The following N4BP1 variants were observed in gnomAD, a reference collection of about 807,000 sequenced individuals.
N4BP1 encodes NEDD4-binding protein 1.
Under a neutral mutation model 70.9 loss-of-function variants are expected in N4BP1, and 21 were observed. The ratio of observed to expected loss-of-function variants is 0.30; its 90% CI spans 0.21 to 0.43. The LOEUF is 0.43. N4BP1 is among the 20% of genes least tolerant of loss of function. N4BP1 has a pLI of 1.00. For missense variants in N4BP1, 936 were observed against 1,069.4 expected, an observed-to-expected ratio of 0.88 and a Z score of 1.74; for synonymous variants, 387 against 394.6, an observed-to-expected ratio of 0.98 and a Z score of 0.23.
At chr16:48,609,753 CG>C (rs2151106153) in intron 1 of N4BP1, 21 bp downstream of exon 1, 5 of 1,326,712 alleles carry the variant, frequency 3.8e-6, no homozygotes, top group South Asian at 3.8e-5. Context: ...CGCGGGCGCG[CG>C]GGGGCGGCGG....
chr16:48,551,541 A>G, intron 3 of N4BP1, 59 bp from the exon 4 acceptor site: 1 of 1,188,426 alleles, frequency 8.4e-7, no homozygotes, highest in South Asian at 1.4e-5. Context: ...CAAATGTATC[A>G]AGAAATGAAA....
intron 1 of N4BP1, among the ~76,000 whole-genome samples, chr16:48,582,548 AT>A (rs1462423902): frequency 1.3e-5 from 2 of 152,228 alleles, no homozygotes; most frequent in African/African-American, 2.4e-5. Context: ...CTTCCTTTAA[AT>A]GCATAGATGA....
At chr16:48,565,946 T>G (rs1344534313) in intron 1 of N4BP1, among the ~76,000 whole-genome samples, 1 of 152,224 alleles carries the variant, frequency 6.6e-6, no homozygotes, top group African/African-American at 2.4e-5. Context: ...ATCTTTTTGA[T>G]GTCTGCAAAG....
intron 1 of N4BP1, among the ~76,000 whole-genome samples, chr16:48,607,831 G>C (rs1302256586): frequency 6.6e-6 from 1 of 151,932 alleles, no homozygotes; most frequent in South Asian, 2.1e-4. Context: ...AAGCAAACTT[G>C]GTTCTATATC....
chr16:48,571,934 C>T (rs1597101082), intron 1 of N4BP1, among the ~76,000 whole-genome samples: 1 of 152,172 alleles, frequency 6.6e-6, no homozygotes, highest in Admixed American at 6.5e-5. Flanking sequence ...GGTGAGGTCA[C>T]GAGCCTCTAA....
chr16:48,608,184 C>T (rs761406090), intron 1 of N4BP1, among the ~76,000 whole-genome samples: 12 of 152,150 alleles, frequency 7.9e-5, no homozygotes, highest in Non-Finnish European at 1.6e-4. Flanking sequence ...TTTTCCGATT[C>T]TCAAGAACAC....
intron 1 of N4BP1, among the ~76,000 whole-genome samples, chr16:48,575,724 C>A (rs1597102682): frequency 6.6e-6 from 1 of 152,206 alleles, no homozygotes; most frequent in Admixed American, 6.5e-5. Context: ...GAAGGGGCAG[C>A]ACTGAGTGCT....
chr16:48,603,473 T>C (rs910839629), intron 1 of N4BP1, among the ~76,000 whole-genome samples: 5 of 152,096 alleles, frequency 3.3e-5, no homozygotes, highest in Admixed American at 1.3e-4. Flanking sequence ...GCCAAACAAG[T>C]AGCTGTGCCA....
intron 1 of N4BP1, among the ~76,000 whole-genome samples, chr16:48,601,019 TA>T (rs1964489601): frequency 6.6e-6 from 1 of 152,218 alleles, no homozygotes; most frequent in Non-Finnish European, 1.5e-5. Flanking sequence ...TTCCCTTTAT[TA>T]ATGTTATGGA....
intron 1 of N4BP1, among the ~76,000 whole-genome samples, chr16:48,609,296 C>T (rs1026509916): frequency 6.6e-6 from 1 of 152,046 alleles, no homozygotes; most frequent in African/African-American, 2.4e-5. Context: ...TAGTTTTTTT[C>T]CGATTCTCAA....
Position 48,562,297 on chromosome 16 carries a change from C to T in N4BP1, c.346G>A (p.Gly116Ser). The T allele has an allele frequency of 6.2e-7, 1 of 1,613,888 alleles. No individual in the cohort carries two copies. The highest frequency in any genetic ancestry group is 8.5e-7 in the Non-Finnish European group (1 of 1,179,862). ...TCADLCILDI[G>S]LLGIRGSAEA... is the part of the protein sequence containing the mutation. ...GCACTTCCTCTGATGCCAAGAAGGC[C>T]AATGTCCAGAATGCAGAGGTCAGCA... Residue 116 changes from glycine to serine, a missense_variant, in exon 2 of 7, where the codon GGC becomes AGC. By Grantham distance (56) the Gly-to-Ser change is moderately conservative. Around this residue, in one of 4 missense-constraint regions of N4BP1, gnomAD observed 187 missense variants for 217.1 expected, o/e 0.86. Transcript: ENST00000262384.
At chr16:48,572,042 A>C (rs1964026801) in intron 1 of N4BP1, among the ~76,000 whole-genome samples, 1 of 152,014 alleles carries the variant, frequency 6.6e-6, no homozygotes, top group South Asian at 2.1e-4. Flanking sequence ...TCTATAAAAA[A>C]CACAAAAATT....
At chr16:48,600,176 A>C in intron 1 of N4BP1, 1 of 615,508 alleles carries the variant, frequency 1.6e-6, no homozygotes, top group South Asian at 1.6e-5. Flanking sequence ...TGTACTGTGA[A>C]GTGTTATTTC....
At position 48,561,729 on chromosome 16, in the gene N4BP1, T is replaced by C. The variant is rs376445814; in HGVS notation, c.914A>G (p.Gln305Arg). The change falls in exon 2 of 7, where the codon CAG becomes CGG. Residue 305 changes from glutamine to arginine, a missense_variant. Physicochemically the swap from Gln to Arg is conservative, Grantham distance 43 (BLOSUM62 1). Coordinates refer to ENST00000262384, the MANE Select transcript of N4BP1 (RefSeq NM_153029.4). ...TKKQFSLENV[Q>R]EGEILHDAKT... ...AGCATCGTGTAAAATCTCCCCCTCCTGAACATTTTCCAAAGAAAACTGCTT... is the reference window on the plus strand; with the variant it reads ...AGCATCGTGTAAAATCTCCCCCTCCCGAACATTTTCCAAAGAAAACTGCTT... The C allele has an allele frequency of 4.6e-5, 74 of 1,612,130 alleles. No homozygotes were observed. Among genetic ancestry groups the C allele is most frequent in the Non-Finnish European group, 6.3e-5 (74 of 1,179,888 alleles).
chr16:48,567,431 C>T (rs139700203), intron 1 of N4BP1, among the ~76,000 whole-genome samples: 97 of 152,288 alleles, frequency 6.4e-4, no homozygotes, highest in Non-Finnish European at 1.1e-3. Flanking sequence ...GATTCTTGTA[C>T]CTCAGCCTCC....
Position 48,543,165 on chromosome 16 carries a change from C to A in N4BP1, c.2430G>T (p.Gln810His). 1 of 1,600,474 alleles carries A rather than the reference C, an allele frequency of 6.2e-7. No homozygotes were observed. The highest frequency in any genetic ancestry group is 8.5e-7 in the Non-Finnish European group (1 of 1,170,314). Residue 810 changes from glutamine to histidine, a missense_variant, in exon 7 of 7, where the codon CAG becomes CAT. Physicochemically the swap from Gln to His is conservative, Grantham distance 24. Transcript: ENST00000262384. ...PGTQAASTSH[Q>H]PPTRIQGAPS... ...GGGCTCCCTGAATCCGGGTCGGAGG[C>A]TGGTGGCTGGTGCTGGCTGCCTGGG...
intron 1 of N4BP1, chr16:48,600,580 C>G (rs1446936299): frequency 1.8e-6 from 1 of 564,842 alleles, no homozygotes; most frequent in Admixed American, 2.0e-5. Flanking sequence ...CTCTTGCAGG[C>G]AAAGGGAAGC....
intron 1 of N4BP1, chr16:48,600,178 T>C (rs1337902392): frequency 8.0e-6 from 5 of 621,906 alleles, no homozygotes; most frequent in South Asian, 1.6e-5. Flanking sequence ...TACTGTGAAG[T>C]GTTATTTCTG....
rs1009217176 is a variant in N4BP1, at chr16:48,547,919, T to C, written c.2225+88A>G. ...TATTGCCTTCTGTGGAGCCAAGGAA[T>C]ATAGAAAACAAAACGAACAAAATGC... On this transcript the variant is annotated intron_variant, in intron 5 of 6. Coordinates refer to ENST00000262384, the MANE Select transcript of N4BP1 (RefSeq NM_153029.4). 4.5e-5 allele frequency: 38 copies of C among 849,920 alleles called. No individual in the cohort carries two copies. In the Admixed American group the frequency reaches 5.7e-4, roughly 13 times the overall value. The allele number at this position is 849,920 out of a possible 1,614,324, so 52.6% of individuals were successfully genotyped here. A position where few individuals can be genotyped will look rare whatever the true frequency, so the allele number is the denominator to read the frequency against.
Sources: gnomAD v4.1 joint callset for allele counts (sites outside exome capture counted in the v4.1 genomes callset) on GRCh38, gnomAD v4.1.1 for gene constraint, gnomAD v4.1.1 regional missense constraint, MANE v1.5 for transcripts, NCBI Gene and HGNC (gene_info 2026-07-23, HGNC 2026-07-21) for gene names.